Variants in CYP46A1 observed in about 807,000 individuals in gnomAD.
The protein encoded by CYP46A1 is cytochrome P450 family 46 subfamily A member 1, also known as cholesterol 24-hydroxylase.
CYP46A1 carries 20 observed loss-of-function variants against 63.3 expected under a neutral mutation model. The ratio of observed to expected loss-of-function variants is 0.32; its 90% CI spans 0.22 to 0.46. The LOEUF (loss-of-function observed/expected upper bound fraction) is 0.46. Ranked by LOEUF, CYP46A1 falls within the 20% of genes least tolerant of loss-of-function variation. The probability of loss-of-function intolerance (pLI) is 1.00; values close to 1 mark genes in which losing one functional copy is unlikely to be tolerated. For synonymous variants in CYP46A1, 268 were observed against 273.6 expected, an observed-to-expected ratio of 0.98 and a Z score of 0.20; for missense variants, 445 against 670.8, an observed-to-expected ratio of 0.66 and a Z score of 3.72.
intron 1 of CYP46A1, among the ~76,000 whole-genome samples, chr14:99,690,752 G>A (rs2056536276): frequency 6.6e-6 from 1 of 152,128 alleles, no homozygotes; most frequent in Non-Finnish European, 1.5e-5. Flanking sequence ...CTAGCGTGGT[G>A]GTGCCCAGCC....
At position 99,721,260 on chromosome 14, in the gene CYP46A1, G is replaced by C; in HGVS notation, c.1002G>C (p.Glu334Asp). ...ACAGGCTGCAGGCCGAGGTGGATGA[G>C]GTCATTGGTTCTAAGAGGTACCTGG... ...IVARLQAEVD[E>D]VIGSKRYLDF... The change falls in exon 11 of 15, where the codon GAG becomes GAC. Residue 334 changes from glutamate to aspartate, a missense_variant. Glu to Asp is a conservative substitution (Grantham distance 45). Around this residue, in one of 4 missense-constraint regions of CYP46A1, gnomAD observed 95 missense variants for 156.9 expected, o/e 0.61. Coordinates refer to ENST00000261835, the MANE Select transcript of CYP46A1 (RefSeq NM_006668.2). 6.2e-7 allele frequency: 1 copy of C among 1,614,072 alleles called. No individual in the cohort carries two copies. Among genetic ancestry groups the C allele is most frequent in the Non-Finnish European group, 8.5e-7 (1 of 1,179,940 alleles).
At chr14:99,711,133 A>T (rs929651471) in intron 7 of CYP46A1, 4 of 152,206 alleles carry the variant, frequency 2.6e-5, no homozygotes, top group Admixed American at 1.3e-4. Flanking sequence ...ACAACATACC[A>T]AAACCTGTGG....
In CYP46A1 at chr14:99,684,373, C is replaced by A. The variant is rs1317622473; in HGVS notation, c.-45C>A. On this transcript the variant is annotated 5_prime_UTR_variant, in exon 1 of 15. Transcript: ENST00000261835. ...TCGGCTCGCGGCCTCCCGGCCCCCT[C>A]GGCGCCCGGCCCGACCCTGGCCTGG... is the stretch of plus-strand genomic sequence containing the variant. The A allele has an allele frequency of 1.3e-5, 16 of 1,216,998 alleles. No individual in the cohort carries two copies. The South Asian group carries it at 3.3e-4, about 25-fold the overall frequency. The allele number at this position is 1,216,998 out of a possible 1,614,324, so 75.4% of individuals were successfully genotyped here. A position where few individuals can be genotyped will look rare whatever the true frequency, so the allele number is the denominator to read the frequency against.
At position 99,715,914 on chromosome 14, in the gene CYP46A1, G is replaced by A. The variant is rs746157910; in HGVS notation, c.798G>A (p.Lys266=). 6.2e-7 allele frequency: 1 copy of A among 1,613,220 alleles called. No homozygotes were observed. Among genetic ancestry groups the A allele is most frequent in the Admixed American group, 1.7e-5 (1 of 59,896 alleles). The change falls in exon 8 of 15, where the codon AAG becomes AAA. Residue 266 remains lysine (K), a synonymous_variant. Coordinates refer to ENST00000261835, the MANE Select transcript of CYP46A1 (RefSeq NM_006668.2). ...DWVQRRREAL[K]RGEEVPADIL... ...TCCAGCGCCGCCGGGAAGCCCTGAA[G>A]AGGGGCGAGGAGGTTCCTGCCGACA...
At chr14:99,700,681 G>T (rs2056623828) in intron 5 of CYP46A1, among the ~76,000 whole-genome samples, 1 of 152,184 alleles carries the variant, frequency 6.6e-6, no homozygotes, top group Non-Finnish European at 1.5e-5. Context: ...ATGCAATTAT[G>T]GACAGTACGT....
chr14:99,723,664 T>A (rs1388207390), intron 12 of CYP46A1, among the ~76,000 whole-genome samples: 2 of 152,248 alleles, frequency 1.3e-5, no homozygotes, highest in African/African-American at 4.8e-5. Flanking sequence ...ATGTTTGTCA[T>A]CTTTGTGGCT....
chr14:99,707,832 T>G, intron 7 of CYP46A1, 154 bp downstream of exon 7: 70 of 606,382 alleles, frequency 1.2e-4, no homozygotes, highest in Non-Finnish European at 1.5e-4. Flanking sequence ...TTTGCATGCA[T>G]TGCCTAAAGT....
Position 99,725,100 on chromosome 14 carries a change from G to T in CYP46A1, c.1177-291G>T, listed in dbSNP as rs1353880633. 6.6e-6 allele frequency among the ~76,000 whole-genome samples: 1 copy of T among 152,198 alleles called. No individual in the cohort carries two copies. Among genetic ancestry groups the T allele is most frequent in the Non-Finnish European group, 1.5e-5 (1 of 68,028 alleles). ...TCACTGAGCCTCTCTCTGGGTCTCAGTTTCCTCATCTGTAAAATGGGGACA... is the reference window on the plus strand; with the variant it reads ...TCACTGAGCCTCTCTCTGGGTCTCATTTTCCTCATCTGTAAAATGGGGACA... On this transcript the variant is annotated intron_variant, in intron 12 of 14. Coordinates refer to ENST00000261835, the MANE Select transcript of CYP46A1 (RefSeq NM_006668.2). The surrounding 1 kb of genome is among the most constrained non-coding windows in gnomAD (Gnocchi z 4.2).
chr14:99,713,916 T>C (rs1422805845), intron 7 of CYP46A1, among the ~76,000 whole-genome samples: 1 of 140,564 alleles, frequency 7.1e-6, no homozygotes, highest in African/African-American at 2.7e-5. Context: ...TAAATGTGAC[T>C]ATATTAAACT....
At chr14:99,724,040 C>A (rs2056872481) in intron 12 of CYP46A1, among the ~76,000 whole-genome samples, 2 of 152,174 alleles carry the variant, frequency 1.3e-5, no homozygotes, top group South Asian at 4.1e-4. Flanking sequence ...TGCAGACAGC[C>A]ACCTTCTCCC....
At chr14:99,694,720 C>T (rs935690579) in intron 3 of CYP46A1, among the ~76,000 whole-genome samples, 3 of 152,118 alleles carry the variant, frequency 2.0e-5, no homozygotes, top group African/African-American at 7.2e-5. Context: ...AGGCTGATCT[C>T]GAACTCCTGG....
intron 3 of CYP46A1, among the ~76,000 whole-genome samples, chr14:99,694,721 G>A (rs764131755): frequency 6.6e-6 from 1 of 151,982 alleles, no homozygotes; most frequent in African/African-American, 2.4e-5. Context: ...GGCTGATCTC[G>A]AACTCCTGGC....
intron 9 of CYP46A1, among the ~76,000 whole-genome samples, chr14:99,716,936 CAGAG>C (rs916724205): frequency 6.6e-6 from 1 of 152,310 alleles, no homozygotes; most frequent in Non-Finnish European, 1.5e-5. Context: ...GGTGGAAAGA[CAGAG>C]AGACAAATAC....
At chr14:99,720,401 T>C (rs965721409) in intron 10 of CYP46A1, among the ~76,000 whole-genome samples, 1 of 152,130 alleles carries the variant, frequency 6.6e-6, no homozygotes, top group African/African-American at 2.4e-5. Context: ...TCTACAATAC[T>C]TTTGTGTTTA....
chr14:99,684,611 C>T, intron 1 of CYP46A1, 75 bp downstream of exon 1: 1 of 1,305,894 alleles, frequency 7.7e-7, no homozygotes, highest in Non-Finnish European at 1.0e-6. Context: ...AAGCCGGCGT[C>T]CAGGCCGGGG....
chr14:99,689,386 T>C (rs2056524012), intron 1 of CYP46A1, among the ~76,000 whole-genome samples: 1 of 152,168 alleles, frequency 6.6e-6, no homozygotes. Flanking sequence ...AGTTACCTCT[T>C]GGGGAAACAG....
rs2056854048 is a variant in CYP46A1, at chr14:99,722,192, C to G, written c.1176+126C>G. On this transcript the variant is annotated intron_variant, in intron 12 of 14. Transcript: ENST00000261835. This position sits in a 1 kb window ranked among gnomAD's most constrained non-coding sequence, Gnocchi z 4.6. ...ATTGCAACGGGCCTCACTGGCTGCC[C>G]TGGTCTTTCTCATGGAGTCTCACCA... 1 of 637,138 alleles carries G rather than the reference C, an allele frequency of 1.6e-6. No homozygotes were observed. The highest frequency in any genetic ancestry group is 2.7e-6 in the Non-Finnish European group (1 of 364,726). The allele number at this position is 637,138 out of a possible 1,614,324, so 39.5% of individuals were successfully genotyped here.
Position 99,684,471 on chromosome 14 carries a change from C to T in CYP46A1, c.54C>T (p.Leu18=). Residue 18 remains leucine (L), a synonymous_variant, in exon 1 of 15, where the codon CTC becomes CTT. Transcript: ENST00000261835. ...GCGCCGTCCTGCTCGCCTTCGGCCT[C>T]TGCTGCACCTTCGTGCACCGCGCTC... is the stretch of plus-strand genomic sequence containing the variant. ...LGSAVLLAFG[L]CCTFVHRARS... 1 of 1,482,816 alleles carries T rather than the reference C, an allele frequency of 6.7e-7. No individual in the cohort carries two copies. The highest frequency in any genetic ancestry group is 8.9e-7 in the Non-Finnish European group (1 of 1,123,428). The allele number at this position is 1,482,816 out of a possible 1,614,324, so 91.9% of individuals were successfully genotyped here. A position where few individuals can be genotyped will look rare whatever the true frequency, so the allele number is the denominator to read the frequency against.
At chr14:99,705,649 G>A (rs768956817) in intron 5 of CYP46A1, among the ~76,000 whole-genome samples, 16 of 152,186 alleles carry the variant, frequency 1.1e-4, no homozygotes, top group Non-Finnish European at 1.5e-4. Flanking sequence ...TTCTAGGTCC[G>A]GGTGCAGTGG....
Sources: gnomAD v4.1 joint callset for allele counts (sites outside exome capture counted in the v4.1 genomes callset) on GRCh38, gnomAD v4.1.1 for gene constraint, gnomAD v4.1.1 regional missense constraint, Gnocchi (gnomAD v3.1) non-coding constraint, MANE v1.5 for transcripts, NCBI Gene and HGNC (gene_info 2026-07-23, HGNC 2026-07-21) for gene names.